The following PCDH15 variants were observed in gnomAD, a reference collection of about 807,000 sequenced individuals.
The protein encoded by PCDH15 is protocadherin-15.
Under a neutral mutation model 178.5 loss-of-function variants are expected in PCDH15, and 129 were observed. That is an observed-to-expected ratio of 0.72 (90% CI 0.63 to 0.84). The LOEUF (loss-of-function observed/expected upper bound fraction) is 0.84. PCDH15 is among the 40% of genes least tolerant of loss of function. The pLI, the probability that PCDH15 is intolerant of heterozygous loss-of-function variation, is 0.00. For missense variants in PCDH15, 2,230 were observed against 2,099.9 expected, an observed-to-expected ratio of 1.06 and a Z score of -1.21; for synonymous variants, 800 against 732.0, an observed-to-expected ratio of 1.09 and a Z score of -1.50.
At chr10:54,299,739 G>A (rs1591667087) in intron 8 of PCDH15, among the ~76,000 whole-genome samples, 1 of 152,318 alleles carries the variant, frequency 6.6e-6, no homozygotes, top group East Asian at 1.9e-4. Flanking sequence ...AAGTGATAAG[G>A]AAACTCTTGT....
In PCDH15 at chr10:54,779,429, C is replaced by CATATATGTGTATATATATATACACACAT. The variant is rs200324192; in HGVS notation, c.-29+21495_-29+21496insATGTGTGTATATATATATACACATATAT. The stretch of plus-strand genomic sequence containing the variant: ...ATGTATATATATATATATACACACA[C>CATATATGTGTATATATATATACACACAT]ATATGTGTATATATATATACACTCA... On this transcript the variant is annotated intron_variant, in intron 1 of 37. Coordinates refer to ENST00000644397, the MANE Select transcript of PCDH15 (RefSeq NM_001384140.1). 1.1e-3 allele frequency among the ~76,000 whole-genome samples: 112 copies of CATATATGTGTATATATATATACACACAT among 99,708 alleles called. 10 individuals carry two copies. Among genetic ancestry groups the CATATATGTGTATATATATATACACACAT allele is most frequent in the South Asian group, 0.011 (33 of 3,070 alleles). The allele number at this position is 99,708 out of a possible 152,430, so 65.4% of individuals were successfully genotyped here.
At chr10:53,839,615 T>C (rs2132748309) in intron 29 of PCDH15, among the ~76,000 whole-genome samples, 1 of 152,224 alleles carries the variant, frequency 6.6e-6, no homozygotes, top group Non-Finnish European at 1.5e-5. Flanking sequence ...AGATAGAATT[T>C]CATTACAAGA....
intron 2 of PCDH15, among the ~76,000 whole-genome samples, chr10:54,547,941 T>G (rs538608595): frequency 6.6e-6 from 1 of 151,932 alleles, no homozygotes; most frequent in Non-Finnish European, 1.5e-5. Context: ...TCTATAAGAT[T>G]TGATATGATA....
chr10:55,476,396 T>G (rs1840062550), intron 2 of PCDH15, among the ~76,000 whole-genome samples: 1 of 152,072 alleles, frequency 6.6e-6, no homozygotes, highest in Non-Finnish European at 1.5e-5. Flanking sequence ...TCCATCATCA[T>G]GCAGTGAGCT....
chr10:55,461,631 A>T (rs991551031), intron 2 of PCDH15, among the ~76,000 whole-genome samples: 8 of 152,142 alleles, frequency 5.3e-5, no homozygotes, highest in African/African-American at 1.9e-4. Flanking sequence ...GATTCAAAAA[A>T]TATCCCAGAT....
intron 3 of PCDH15, among the ~76,000 whole-genome samples, chr10:54,474,688 AATTT>A (rs1361796722): frequency 6.6e-6 from 1 of 151,952 alleles, no homozygotes; most frequent in Non-Finnish European, 1.5e-5. Context: ...TGAATTACAT[AATTT>A]ATTAACAAAA....
chr10:53,925,611 T>A (rs1309010305), intron 25 of PCDH15, among the ~76,000 whole-genome samples: 1 of 152,242 alleles, frequency 6.6e-6, no homozygotes, highest in Non-Finnish European at 1.5e-5. Flanking sequence ...TCATCTCCTC[T>A]TAAAGAGATC....
chr10:55,470,657 C>T lies in PCDH15; in HGVS notation c.-156+156968G>A, dbSNP rs145712628. On this transcript the variant is annotated intron_variant, in intron 2 of 5. Transcript: ENST00000613346. Reference sequence around the variant, plus strand: ...TATCATTGATAAACCTACAGTGACACGTCAAATGCACCCAACGTGCACGGT... The same window carrying T: ...TATCATTGATAAACCTACAGTGACATGTCAAATGCACCCAACGTGCACGGT... 5.1e-4 allele frequency among the ~76,000 whole-genome samples: 78 copies of T among 152,196 alleles called. 1 individual carries two copies. The highest frequency in any genetic ancestry group is 1.2e-3 in the East Asian group (6 of 5,166).
At chr10:55,500,450 A>G (rs1006473443) in intron 2 of PCDH15, among the ~76,000 whole-genome samples, 3 of 151,826 alleles carry the variant, frequency 2.0e-5, no homozygotes, top group African/African-American at 7.2e-5. Flanking sequence ...CAAATTTCCT[A>G]TTGAGTGTTG....
chr10:54,487,344 G>A (rs1484226251), intron 3 of PCDH15, among the ~76,000 whole-genome samples: 1 of 151,970 alleles, frequency 6.6e-6, no homozygotes, highest in Non-Finnish European at 1.5e-5. Flanking sequence ...ACTCAGAAGG[G>A]TGAAGAATGG....
intron 2 of PCDH15, among the ~76,000 whole-genome samples, chr10:55,411,830 A>C (rs1838341418): frequency 6.6e-6 from 1 of 152,076 alleles, no homozygotes; most frequent in South Asian, 2.1e-4. Context: ...TCCTTCACAG[A>C]TAATCCTGCA....
At chr10:55,011,565 T>A (rs1840048757) in intron 2 of PCDH15, among the ~76,000 whole-genome samples, 1 of 152,096 alleles carries the variant, frequency 6.6e-6, no homozygotes, top group South Asian at 2.1e-4. Flanking sequence ...TTTTACATAC[T>A]TTAAATTATT....
intron 2 of PCDH15, among the ~76,000 whole-genome samples, chr10:55,538,915 CTTCCTTCCTTCCTCCT>C (rs1564442708): frequency 5.1e-3 from 111 of 21,734 alleles, no homozygotes; most frequent in East Asian, 0.015. Flanking sequence ...TCCTCCTTTC[CTTCCTTCCTTCCTCCT>C]TTCCTTCCTT....
chr10:54,033,338 A>G (rs1213809218), intron 18 of PCDH15, among the ~76,000 whole-genome samples: 4 of 151,826 alleles, frequency 2.6e-5, no homozygotes, highest in African/African-American at 9.7e-5. Context: ...AGATATATTT[A>G]TGTATATATA....
At chr10:54,241,719 C>T (rs779130309) in intron 8 of PCDH15, among the ~76,000 whole-genome samples, 1 of 151,970 alleles carries the variant, frequency 6.6e-6, no homozygotes, top group Non-Finnish European at 1.5e-5. Flanking sequence ...TTTGAACTGT[C>T]AGAGCTACAT....
At chr10:54,087,794 T>G (rs72797012) in intron 16 of PCDH15, among the ~76,000 whole-genome samples, 1 of 152,078 alleles carries the variant, frequency 6.6e-6, no homozygotes, top group Non-Finnish European at 1.5e-5. Flanking sequence ...ATGTAGGAGA[T>G]AGGACCTGCT....
intron 2 of PCDH15, among the ~76,000 whole-genome samples, chr10:55,589,583 C>T (rs1303209548): frequency 3.3e-5 from 5 of 151,968 alleles, no homozygotes; most frequent in Admixed American, 6.6e-5. Context: ...GGGCTAATAT[C>T]CAGAATCTAC....
intron 2 of PCDH15, among the ~76,000 whole-genome samples, chr10:55,350,265 A>G (rs1410866986): frequency 3.3e-5 from 2 of 60,002 alleles, no homozygotes; most frequent in African/African-American, 9.9e-5. Context: ...ATATATATAT[A>G]TATACACACA....
intron 2 of PCDH15, among the ~76,000 whole-genome samples, chr10:55,349,604 A>G (rs1320921242): frequency 6.6e-6 from 1 of 152,106 alleles, no homozygotes; most frequent in Admixed American, 6.6e-5. Context: ...AATGAATTCA[A>G]TGAGAGATCA....
Sources: allele counts gnomAD v4.1 joint callset (sites outside exome capture counted in the v4.1 genomes callset), GRCh38; gene constraint gnomAD v4.1.1; transcripts MANE v1.5; gene names NCBI Gene and HGNC (gene_info 2026-07-23, HGNC 2026-07-21).